Variants in ZNF813 observed in about 807,000 individuals in gnomAD.
ZNF813 encodes zinc finger protein 813.
Under a neutral mutation model 7.2 loss-of-function variants are expected in ZNF813, and 3 were observed. The observed-to-expected ratio is 0.42, with a 90% CI of 0.19 to 1.08. ZNF813 has a LOEUF of 1.08. ZNF813 is among the 50% of genes least tolerant of loss of function. The probability of loss-of-function intolerance (pLI) is 0.30; values close to 1 mark genes in which losing one functional copy is unlikely to be tolerated. For missense variants in ZNF813, 714 were observed against 753.3 expected (o/e 0.95, Z 0.61); for synonymous variants, 227 against 256.3 (o/e 0.89, Z 1.09).
At chr19:53,483,259 T>C (rs1177848593) in intron 1 of ZNF813, among the ~76,000 whole-genome samples, 3 of 152,164 alleles carry the variant, frequency 2.0e-5, no homozygotes, top group Non-Finnish European at 4.4e-5. Context: ...TTGGCCAGGC[T>C]GGTCTTGAAC....
rs1013624637 is a variant in ZNF813, at chr19:53,468,974, TG to T, written c.-74+1191del. On this transcript the variant is annotated intron_variant, in intron 1 of 3. Transcript: ENST00000396403. ...GAGGCCATATCTCAGGCTGTCTCAG[TG>T]GGGGGAAACTTGGACAATACCCAGG... Among the ~76,000 whole-genome samples the T allele has an allele frequency of 3.1e-4, 38 of 120,702 alleles. No homozygotes were observed. The East Asian group carries it at 5.7e-3, about 18-fold the overall frequency. 79.2% of individuals were successfully genotyped at this position (120,702 alleles called of 152,430 possible).
rs370886090 is a variant in ZNF813 at position 53,491,249 on chromosome 19, G to A, written c.1017G>A (p.Thr339=). ...CNECGKTFSQ[T]SSLTCHRRLH... ...AATGTGGCAAGACCTTTAGTCAGAC[G>A]TCATCCCTTACATGCCATCGTAGAC... The change falls in exon 4 of 4, where the codon ACG becomes ACA. Residue 339 remains threonine (T), a synonymous_variant. Transcript: ENST00000396403. The A allele has an allele frequency of 1.1e-5, 17 of 1,613,842 alleles. No individual in the cohort carries two copies. The highest frequency in any genetic ancestry group is 4.4e-5 in the South Asian group (4 of 91,070).
In ZNF813 at chr19:53,477,013, G is replaced by A. The variant is rs10422472; in HGVS notation, c.-73-6737G>A. ...GAGTCTAGTCCAGGTGAACTGTGAC[G>A]CTTCATTGTCTTATGAAATGCAAAG... On this transcript the variant is annotated intron_variant, in intron 1 of 3. Coordinates refer to ENST00000396403, the MANE Select transcript of ZNF813 (RefSeq NM_001004301.4). 4.9e-3 allele frequency among the ~76,000 whole-genome samples: 752 copies of A among 152,224 alleles called. 8 individuals are homozygous for A. Among genetic ancestry groups the A allele is most frequent in the African/African-American group, 0.017 (716 of 41,546 alleles).
chr19:53,470,163 CTTTTCTT>C (rs2086350749), intron 1 of ZNF813, among the ~76,000 whole-genome samples: 3 of 49,656 alleles, frequency 6.0e-5, no homozygotes, highest in African/African-American at 2.2e-4. Flanking sequence ...CTTTCTTTTT[CTTTTCTT>C]TTCTTTCTTT....
chr19:53,491,263 G>A lies in ZNF813; in HGVS notation c.1031G>A (p.Cys344Tyr). 6.2e-7 allele frequency: 1 copy of A among 1,614,144 alleles called. No homozygotes were observed. The stretch of plus-strand genomic sequence containing the variant: ...TTTAGTCAGACGTCATCCCTTACAT[G>A]CCATCGTAGACTTCATACTGGAGAG... Reference protein sequence around the residue: ...KTFSQTSSLTCHRRLHTGEKP... With the variant: ...KTFSQTSSLTYHRRLHTGEKP... Residue 344 changes from cysteine to tyrosine, a missense_variant, in exon 4 of 4, where the codon TGC (cysteine) becomes TAC (tyrosine). Transcript: ENST00000396403.
chr19:53,487,983 C>A (rs1600114186), intron 3 of ZNF813, among the ~76,000 whole-genome samples: 1 of 152,092 alleles, frequency 6.6e-6, no homozygotes, highest in Non-Finnish European at 1.5e-5. Flanking sequence ...GGTACACTTA[C>A]AACAGTTTCT....
intron 1 of ZNF813, among the ~76,000 whole-genome samples, chr19:53,481,005 A>C (rs1007096560): frequency 2.6e-5 from 4 of 152,218 alleles, no homozygotes; most frequent in Non-Finnish European, 5.9e-5. Flanking sequence ...TCAAACAAAG[A>C]AGCAGGTGGT....
At position 53,492,163 on chromosome 19, in the gene ZNF813, C is replaced by G; in HGVS notation, c.*77C>G. 6.5e-7 allele frequency: 1 copy of G among 1,541,808 alleles called. No individual in the cohort carries two copies. The highest frequency in any genetic ancestry group is 8.8e-7 in the Non-Finnish European group (1 of 1,139,064). On this transcript the variant is annotated 3_prime_UTR_variant, in exon 4 of 4. Coordinates refer to ENST00000396403, the MANE Select transcript of ZNF813 (RefSeq NM_001004301.4). ...CAATGAGTGTGGCAAGACCTTCTGT[C>G]ACAATTCAGTCCTTGTAATTCATAA...
In ZNF813 at chr19:53,495,074, T is replaced by C. The variant is rs567815399; in HGVS notation, c.*2988T>C. The C allele has an allele frequency of 6.6e-6, 1 of 152,244 alleles. No individual in the cohort carries two copies. Among genetic ancestry groups the C allele is most frequent in the East Asian group, 1.9e-4 (1 of 5,184 alleles). 9.4% of individuals were successfully genotyped at this position (152,244 alleles called of 1,614,324 possible). ...TTTGGGTAGAGGAATAATGAAATCA[T>C]TGATGCTTTATGAAAAGATTATGGA... is the stretch of plus-strand genomic sequence containing the variant. On this transcript the variant is annotated 3_prime_UTR_variant, in exon 4 of 4. Transcript: ENST00000396403.
chr19:53,476,385 C>T (rs931341273), intron 1 of ZNF813, among the ~76,000 whole-genome samples: 28 of 151,856 alleles, frequency 1.8e-4, no homozygotes, highest in African/African-American at 6.8e-4. Context: ...AATCCCGGCA[C>T]TTCAGGTGGT....
rs772179626 is a variant in ZNF813, at chr19:53,495,866, T to G, written c.*3780T>G. 4 of 223,428 alleles carry G rather than the reference T, an allele frequency of 1.8e-5. 1 individual carries two copies. The South Asian group carries it at 2.7e-4, about 15-fold the overall frequency. The allele number at this position is 223,428 out of a possible 1,614,324, so 13.8% of individuals were successfully genotyped here. On this transcript the variant is annotated 3_prime_UTR_variant, in exon 4 of 4. Coordinates refer to ENST00000396403, the MANE Select transcript of ZNF813 (RefSeq NM_001004301.4). ...TCCTGTCTCCTCTCGTGGTGTGTACTTGACTCCCCTTCTCGCCAGATCTCA... is the reference window on the plus strand; with the variant it reads ...TCCTGTCTCCTCTCGTGGTGTGTACGTGACTCCCCTTCTCGCCAGATCTCA...
In ZNF813 at chr19:53,491,994, T is replaced by G. The variant is rs1433466259; in HGVS notation, c.1762T>G (p.Phe588Val). 1.9e-6 allele frequency: 3 copies of G among 1,614,074 alleles called. No individual in the cohort carries two copies. In the Admixed American group the frequency reaches 5.0e-5, roughly 27 times the overall value. ...PYKCNECGKV[F>V]NQKANLARHH... Reference sequence around the variant, plus strand: ...CAAGTGTAATGAATGTGGCAAGGTTTTTAATCAAAAAGCAAACCTTGCACG... The same window carrying G: ...CAAGTGTAATGAATGTGGCAAGGTTGTTAATCAAAAAGCAAACCTTGCACG... The change falls in exon 4 of 4, where the codon TTT becomes GTT. Residue 588 changes from phenylalanine to valine, a missense_variant. Transcript: ENST00000396403.
At chr19:53,482,706 C>CTT (rs1568830690) in intron 1 of ZNF813, among the ~76,000 whole-genome samples, 16 of 91,478 alleles carry the variant, frequency 1.7e-4, no homozygotes, top group African/African-American at 4.7e-4. Flanking sequence ...ATCAGGAATG[C>CTT]TTTTTGTTTT....
chr19:53,476,897 C>T (rs1352300403), intron 1 of ZNF813, among the ~76,000 whole-genome samples: 3 of 152,056 alleles, frequency 2.0e-5, no homozygotes, highest in African/African-American at 7.2e-5. Flanking sequence ...CTCCTGACCT[C>T]GTGATCCACC....
intron 1 of ZNF813, chr19:53,480,168 C>G (rs1480524844): frequency 1.3e-6 from 1 of 758,978 alleles, no homozygotes; most frequent in South Asian, 1.3e-5. Flanking sequence ...CCGAAGCTGA[C>G]CTTTACCTGA....
rs930411837 is a variant in ZNF813, at chr19:53,491,978, T to C, written c.1746T>C (p.Asn582=). 7 of 1,613,890 alleles carry C rather than the reference T, an allele frequency of 4.3e-6. No individual in the cohort carries two copies. Among genetic ancestry groups the C allele is most frequent in the Non-Finnish European group, 5.9e-6 (7 of 1,179,932 alleles). The part of the protein sequence containing the change: ...LHTGEKPYKC[N]ECGKVFNQKA... ...CTGGAGAGAAACCTTACAAGTGTAA[T>C]GAATGTGGCAAGGTTTTTAATCAAA... The change falls in exon 4 of 4, where the codon AAT becomes AAC. Residue 582 remains asparagine, a synonymous_variant. Coordinates refer to ENST00000396403, the MANE Select transcript of ZNF813 (RefSeq NM_001004301.4).
chr19:53,482,078 G>A (rs2086411053), intron 1 of ZNF813, among the ~76,000 whole-genome samples: 1 of 152,158 alleles, frequency 6.6e-6, no homozygotes, highest in Admixed American at 6.5e-5. Context: ...AATGACCCTG[G>A]TCCCTGAAAT....
In ZNF813 at chr19:53,491,149, A is replaced by G. The variant is rs2086458995; in HGVS notation, c.917A>G (p.Lys306Arg). 1 of 1,614,096 alleles carries G rather than the reference A, an allele frequency of 6.2e-7. No homozygotes were observed. The highest frequency in any genetic ancestry group is 1.3e-5 in the African/African-American group (1 of 75,020). ...CCTTACAAATGTGAAGAATGTGACA[A>G]AGCTTTCAGTTTCAAATCAAACCTT... ...EKPYKCEECD[K>R]AFSFKSNLKR... The change falls in exon 4 of 4, where the codon AAA becomes AGA. Residue 306 changes from lysine to arginine, a missense_variant. Around this residue, in one of 3 missense-constraint regions of ZNF813, gnomAD observed 563 missense variants for 554.2 expected, o/e 1.02. Transcript: ENST00000396403.
chr19:53,492,744 T>C lies in ZNF813; in HGVS notation c.*658T>C, dbSNP rs758437057. 1 of 629,726 alleles carries C rather than the reference T, an allele frequency of 1.6e-6. No homozygotes were observed. Among genetic ancestry groups the C allele is most frequent in the Non-Finnish European group, 2.8e-6 (1 of 356,580 alleles). The allele number at this position is 629,726 out of a possible 1,614,324, so 39.0% of individuals were successfully genotyped here. On this transcript the variant is annotated 3_prime_UTR_variant, in exon 4 of 4. Coordinates refer to ENST00000396403, the MANE Select transcript of ZNF813 (RefSeq NM_001004301.4). ...TAATCGGCAAATTTTTCAGACATCG[T>C]CCATACCTTGCAGTTCATTGGCGAA...
Sources: gnomAD v4.1 joint callset for allele counts (sites outside exome capture counted in the v4.1 genomes callset) on GRCh38, gnomAD v4.1.1 for gene constraint, gnomAD v4.1.1 regional missense constraint, MANE v1.5 for transcripts, NCBI Gene and HGNC (gene_info 2026-07-23, HGNC 2026-07-21) for gene names.